OR51B5: variants seen among roughly 807,000 people sequenced by gnomAD.
OR51B5 encodes the protein olfactory receptor 51B5.
For synonymous variants in OR51B5, 186 were observed against 144.8 expected (o/e 1.28, Z -2.04); for missense variants, 456 against 374.6 (o/e 1.22, Z -1.79).
At chr11:5,359,295 T>C (rs1486260165) in intron 1 of OR51B5, among the ~76,000 whole-genome samples, 35 of 148,960 alleles carry the variant, frequency 2.3e-4, no homozygotes, top group African/African-American at 8.2e-4. Context: ...TTCAGCAAAG[T>C]CTCAGGATAC....
chr11:5,377,580 A>G lies in OR51B5; in HGVS notation n.85-30670T>C, dbSNP rs564026510. 6.6e-5 allele frequency among the ~76,000 whole-genome samples: 10 copies of G among 152,268 alleles called. No individual in the cohort carries two copies. In the East Asian group the frequency reaches 1.3e-3, roughly 21 times the overall value. On this transcript the variant is annotated intron_variant and non_coding_transcript_variant, in intron 1 of 4. Transcript: ENST00000415970. ...GAAAACCCCCTTGTCTCAGCCCAAA[A>G]TCTCCTTAAGCTGATAAGCAACTTC...
chr11:5,490,121 A>G (rs571432303), intron 1 of OR51B5, among the ~76,000 whole-genome samples: 4 of 152,336 alleles, frequency 2.6e-5, no homozygotes, highest in East Asian at 1.9e-4. Flanking sequence ...TGGCTCCTCT[A>G]CTTGTGACCT....
At chr11:5,439,608 G>A (rs754103709) in intron 1 of OR51B5, among the ~76,000 whole-genome samples, 1 of 152,060 alleles carries the variant, frequency 6.6e-6, no homozygotes, top group Admixed American at 6.6e-5. Flanking sequence ...ATAGTTTTTT[G>A]TTCAGATGTC....
upstream of OR51B5, chr11:5,345,637 A>T (rs754766292): frequency 2.6e-5 from 4 of 152,134 alleles, no homozygotes; most frequent in Non-Finnish European, 5.9e-5. Flanking sequence ...TTCTTGTCAC[A>T]TGCCAGAACA....
chr11:5,458,166 A>G (rs549048631), intron 1 of OR51B5, among the ~76,000 whole-genome samples: 1 of 152,328 alleles, frequency 6.6e-6, no homozygotes, highest in African/African-American at 2.4e-5. Context: ...GAAGAGGTCC[A>G]GTTTCAATCT....
chr11:5,454,536 A>G (rs1850923466), intron 1 of OR51B5: 4 of 925,100 alleles, frequency 4.3e-6, no homozygotes, highest in Admixed American at 4.9e-5. Context: ...CGGGAAAAGT[A>G]GGCCAGGAGA....
At chr11:5,353,293 A>T (rs1849132378) in intron 1 of OR51B5, among the ~76,000 whole-genome samples, 2 of 152,166 alleles carry the variant, frequency 1.3e-5, no homozygotes, top group Non-Finnish European at 2.9e-5. Flanking sequence ...CAGAGATATA[A>T]TTTCTAATTC....
intron 1 of OR51B5, among the ~76,000 whole-genome samples, chr11:5,499,661 C>T (rs1349826146): frequency 6.6e-6 from 1 of 152,138 alleles, no homozygotes; most frequent in Non-Finnish European, 1.5e-5. Context: ...GTCAAAAAGC[C>T]TTCTGTCCCA....
chr11:5,418,409 AATAAAAAC>A (rs1346659209), intron 1 of OR51B5, among the ~76,000 whole-genome samples: 4 of 110,684 alleles, frequency 3.6e-5, no homozygotes, highest in Admixed American at 9.6e-5. Flanking sequence ...GTATAATAAT[AATAAAAAC>A]AAAACAAAAC....
At chr11:5,459,660 CA>C (rs1282059811) in intron 1 of OR51B5, among the ~76,000 whole-genome samples, 2 of 148,878 alleles carry the variant, frequency 1.3e-5, no homozygotes, top group African/African-American at 5.2e-5. Context: ...TAGGGAAATG[CA>C]AGTCAAAACC....
chr11:5,410,611 G>GA (rs538201756), intron 1 of OR51B5, among the ~76,000 whole-genome samples: 7 of 151,186 alleles, frequency 4.6e-5, no homozygotes, highest in Middle Eastern at 3.4e-3. Context: ...CTTCTACTTA[G>GA]AAAAAAAAAG....
At chr11:5,425,613 A>C (rs1443521020) in intron 1 of OR51B5, among the ~76,000 whole-genome samples, 1 of 152,148 alleles carries the variant, frequency 6.6e-6, no homozygotes. Context: ...AAATTTTTTT[A>C]ATTGGGAAAT....
At chr11:5,467,666 G>C (rs1261841910) in intron 1 of OR51B5, among the ~76,000 whole-genome samples, 1 of 152,180 alleles carries the variant, frequency 6.6e-6, no homozygotes, top group African/African-American at 2.4e-5. Flanking sequence ...CTGTGAATTT[G>C]CTGACAGCCT....
chr11:5,468,778 C>A (rs1026902438), intron 1 of OR51B5: 5 of 455,380 alleles, frequency 1.1e-5, no homozygotes, highest in Non-Finnish European at 2.2e-5. Flanking sequence ...GGAGGATGAG[C>A]AGTGAATCTA....
intron 1 of OR51B5, among the ~76,000 whole-genome samples, chr11:5,446,277 AAGT>A (rs1352936549): frequency 6.7e-6 from 1 of 149,798 alleles, no homozygotes; most frequent in Non-Finnish European, 1.5e-5. Context: ...TAAAAAAAGA[AAGT>A]AGAATAACTC....
At chr11:5,367,344 T>A (rs930139387) in intron 1 of OR51B5, among the ~76,000 whole-genome samples, 3 of 151,996 alleles carry the variant, frequency 2.0e-5, no homozygotes, top group African/African-American at 7.3e-5. Flanking sequence ...AGTAAAGGAG[T>A]AAAATAATGG....
intron 1 of OR51B5, among the ~76,000 whole-genome samples, chr11:5,360,216 A>G (rs1292130358): frequency 2.6e-5 from 4 of 151,860 alleles, no homozygotes; most frequent in African/African-American, 9.7e-5. Flanking sequence ...CAACATACAG[A>G]ATGGGAGAAA....
chr11:5,489,622 C>A (rs1351977623), intron 1 of OR51B5: 1 of 1,613,652 alleles, frequency 6.2e-7, no homozygotes, highest in African/African-American at 1.3e-5. Context: ...GATTCGGAGT[C>A]GACTTCTAAA....
intron 1 of OR51B5, among the ~76,000 whole-genome samples, chr11:5,478,691 G>A (rs1385253482): frequency 2.0e-5 from 3 of 151,588 alleles, no homozygotes; most frequent in Non-Finnish European, 1.5e-5. Flanking sequence ...TGAAAACCAA[G>A]GCTCAAGAAC....
Sources: allele counts gnomAD v4.1 joint callset (sites outside exome capture counted in the v4.1 genomes callset), GRCh38; gene constraint gnomAD v4.1.1; transcripts MANE v1.5; gene names NCBI Gene and HGNC (gene_info 2026-07-23, HGNC 2026-07-21).